The following IPO11 variants were observed in gnomAD, a reference collection of about 807,000 sequenced individuals.
IPO11 encodes the protein importin-11.
Under a neutral mutation model 143.2 loss-of-function variants are expected in IPO11, and 66 were observed. The ratio of observed to expected loss-of-function variants is 0.46; its 90% CI spans 0.38 to 0.57. The LOEUF (loss-of-function observed/expected upper bound fraction) is 0.57, where lower values mean the gene tolerates loss of function less well. Among genes scored for constraint, IPO11 ranks in the 20% least tolerant of loss-of-function variants. The pLI is 0.00. For missense variants in IPO11, 1,026 were observed against 1,141.0 expected, an observed-to-expected ratio of 0.90 and a Z score of 1.45; for synonymous variants, 385 against 377.8, an observed-to-expected ratio of 1.02 and a Z score of -0.22.
At chr5:62,473,386 G>GT (rs1180337617) in intron 7 of IPO11, among the ~76,000 whole-genome samples, 1 of 152,064 alleles carries the variant, frequency 6.6e-6, no homozygotes, top group Non-Finnish European at 1.5e-5. Flanking sequence ...AGAGGAAGAG[G>GT]TTTACTAGTT....
intron 27 of IPO11, chr5:62,581,450 G>A (rs1744560983): frequency 1.4e-6 from 1 of 692,254 alleles, no homozygotes; most frequent in Non-Finnish European, 2.3e-6. Context: ...TTAATAATTT[G>A]TGAACAGTGT....
chr5:62,474,098 T>C (rs993375044), intron 7 of IPO11, among the ~76,000 whole-genome samples: 1 of 152,180 alleles, frequency 6.6e-6, no homozygotes, highest in Non-Finnish European at 1.5e-5. Context: ...ATTTAAAGCC[T>C]GTGAAGAAAA....
Position 62,627,409 on chromosome 5 carries a change from A to G in IPO11, c.*91A>G. ...ATGTGAGAGCCTGCTGAGATGAAGAAATCACTTCATGAAAATAAGCAAAGA... is the reference window on the plus strand; with the variant it reads ...ATGTGAGAGCCTGCTGAGATGAAGAGATCACTTCATGAAAATAAGCAAAGA... On this transcript the variant is annotated 3_prime_UTR_variant, in exon 30 of 30. Transcript: ENST00000325324. The G allele has an allele frequency of 8.3e-7, 1 of 1,199,120 alleles. No homozygotes were observed. Among genetic ancestry groups the G allele is most frequent in the Non-Finnish European group, 1.2e-6 (1 of 861,672 alleles). 74.3% of individuals were successfully genotyped at this position (1,199,120 alleles called of 1,614,324 possible). A position where few individuals can be genotyped will look rare whatever the true frequency, so the allele number is the denominator to read the frequency against.
intron 12 of IPO11, among the ~76,000 whole-genome samples, chr5:62,487,105 C>T (rs1335633199): frequency 6.6e-6 from 1 of 151,876 alleles, no homozygotes; most frequent in Non-Finnish European, 1.5e-5. Context: ...TGTTTTGATA[C>T]CAGCATGCAA....
intron 20 of IPO11, among the ~76,000 whole-genome samples, chr5:62,517,870 C>T (rs112566351): frequency 2.6e-5 from 4 of 152,256 alleles, no homozygotes; most frequent in African/African-American, 9.6e-5. Context: ...TTTAAGTACC[C>T]TGTGTATTTG....
chr5:62,500,776 G>A (rs1561337067), intron 16 of IPO11, among the ~76,000 whole-genome samples: 1 of 152,130 alleles, frequency 6.6e-6, no homozygotes, highest in Non-Finnish European at 1.5e-5. Context: ...GGGATTATAG[G>A]TGTGAGCAAC....
chr5:62,628,107 C>T lies in IPO11; in HGVS notation c.*789C>T, dbSNP rs777382441. Reference sequence around the variant, plus strand: ...AGCACCGAGAAGAACTGGGCGACTCCCAGTCCCACCTGTGCTGTGACAGTC... The same window carrying T: ...AGCACCGAGAAGAACTGGGCGACTCTCAGTCCCACCTGTGCTGTGACAGTC... On this transcript the variant is annotated 3_prime_UTR_variant, in exon 30 of 30. Coordinates refer to ENST00000325324, the MANE Select transcript of IPO11 (RefSeq NM_016338.5). The T allele has an allele frequency of 3.9e-5, 6 of 152,110 alleles. No individual in the cohort carries two copies. Among genetic ancestry groups the T allele is most frequent in the Non-Finnish European group, 8.8e-5 (6 of 68,028 alleles). The allele number at this position is 152,110 out of a possible 1,614,324, so 9.4% of individuals were successfully genotyped here.
rs377633895 is a variant in IPO11 at position 62,464,468 on chromosome 5, G to T, written c.517-2663G>T. Among the ~76,000 whole-genome samples, 90 of 149,776 alleles carry T rather than the reference G, an allele frequency of 6.0e-4. 1 individual carries two copies. The East Asian group carries it at 0.015, about 25-fold the overall frequency. ...ATTTTTTATTGTTGTTGTTTTCTTC[G>T]TTTTTTTTTGTTTGTTTTTGAGGCA... On this transcript the variant is annotated intron_variant, in intron 5 of 29. Coordinates refer to ENST00000325324, the MANE Select transcript of IPO11 (RefSeq NM_016338.5).
intron 24 of IPO11, among the ~76,000 whole-genome samples, chr5:62,540,107 A>G (rs1377738810): frequency 3.9e-5 from 6 of 151,990 alleles, no homozygotes; most frequent in East Asian, 3.8e-4. Context: ...TGCTCTGAAT[A>G]CATATATAGT....
At chr5:62,463,633 T>C (rs1018960913) in intron 5 of IPO11, among the ~76,000 whole-genome samples, 14 of 150,766 alleles carry the variant, frequency 9.3e-5, no homozygotes, top group Non-Finnish European at 1.8e-4. Flanking sequence ...ATTGCGCCAC[T>C]GCACTCTAGC....
chr5:62,523,012 C>A (rs1444880580), intron 20 of IPO11, among the ~76,000 whole-genome samples: 1 of 152,212 alleles, frequency 6.6e-6, no homozygotes, highest in Non-Finnish European at 1.5e-5. Flanking sequence ...TCTCAAAATA[C>A]CTGGTGCCAT....
intron 27 of IPO11, among the ~76,000 whole-genome samples, chr5:62,565,251 C>T (rs192983642): frequency 3.3e-5 from 5 of 152,204 alleles, no homozygotes; most frequent in East Asian, 1.9e-4. Flanking sequence ...TTTTGGAGGC[C>T]GAGGCAGGCA....
At chr5:62,613,208 GT>G (rs1257560553) in intron 29 of IPO11, among the ~76,000 whole-genome samples, 1 of 142,036 alleles carries the variant, frequency 7.0e-6, no homozygotes, top group Non-Finnish European at 1.5e-5. Flanking sequence ...TGGACATTTT[GT>G]TTGATTATCT....
At chr5:62,513,616 C>G (rs1580269046) in intron 19 of IPO11, among the ~76,000 whole-genome samples, 1 of 145,968 alleles carries the variant, frequency 6.9e-6, no homozygotes, top group African/African-American at 2.6e-5. Flanking sequence ...AGGGACTCCT[C>G]ACTTCCCAGT....
chr5:62,502,702 G>T (rs1488807230), intron 16 of IPO11, among the ~76,000 whole-genome samples: 2 of 152,146 alleles, frequency 1.3e-5, no homozygotes, highest in African/African-American at 2.4e-5. Context: ...TTATGGCTCG[G>T]GGTTGAGTGC....
intron 28 of IPO11, among the ~76,000 whole-genome samples, chr5:62,597,689 A>G (rs1277442515): frequency 6.6e-6 from 1 of 152,182 alleles, no homozygotes; most frequent in East Asian, 1.9e-4. Flanking sequence ...TGAGGAAGAA[A>G]CTTTAGGCTA....
chr5:62,604,796 C>T (rs1035119678), intron 29 of IPO11, among the ~76,000 whole-genome samples: 11 of 152,060 alleles, frequency 7.2e-5, no homozygotes, highest in African/African-American at 2.4e-4. Context: ...GCTGAGGATA[C>T]CACAGCAGTT....
At chr5:62,588,112 C>A (rs1197486204) in intron 27 of IPO11, among the ~76,000 whole-genome samples, 1 of 152,174 alleles carries the variant, frequency 6.6e-6, no homozygotes, top group African/African-American at 2.4e-5. Flanking sequence ...TTTTTCAAAT[C>A]TGTATGCACT....
chr5:62,452,738 G>T (rs1744984956), intron 5 of IPO11, among the ~76,000 whole-genome samples: 1 of 147,622 alleles, frequency 6.8e-6, no homozygotes, highest in African/African-American at 2.6e-5. Context: ...GTGTGTGTGT[G>T]TGTGTGTGTG....
Sources: gnomAD v4.1 joint callset for allele counts (sites outside exome capture counted in the v4.1 genomes callset) on GRCh38, gnomAD v4.1.1 for gene constraint, MANE v1.5 for transcripts, NCBI Gene and HGNC (gene_info 2026-07-23, HGNC 2026-07-21) for gene names.